The following GUCY1B1 variants were observed in gnomAD, a reference collection of about 807,000 sequenced individuals.
GUCY1B1 encodes the protein guanylate cyclase soluble subunit beta-1.
Under a neutral mutation model 71.0 loss-of-function variants are expected in GUCY1B1, and 43 were observed. The observed-to-expected ratio is 0.61, with a 90% CI of 0.47 to 0.78. The LOEUF (loss-of-function observed/expected upper bound fraction) is 0.78, where lower values mean the gene tolerates loss of function less well. Ranked by LOEUF, GUCY1B1 falls within the 30% of genes least tolerant of loss-of-function variation. The probability of loss-of-function intolerance (pLI) is 0.00; values close to 1 mark genes in which losing one functional copy is unlikely to be tolerated. For synonymous variants in GUCY1B1, 266 were observed against 259.7 expected (o/e 1.02, Z -0.23); for missense variants, 535 against 754.1 (o/e 0.71, Z 3.40).
At chr4:155,804,849 C>T (rs1740210118) in intron 12 of GUCY1B1, 102 bp downstream of exon 12, 7 of 1,003,460 alleles carry the variant, frequency 7.0e-6, no homozygotes, top group Non-Finnish European at 1.1e-5. Context: ...AGAGTTATCA[C>T]CTTCACTCTT....
At chr4:155,785,595 C>CAA (rs565720430) in intron 4 of GUCY1B1, among the ~76,000 whole-genome samples, 3 of 139,354 alleles carry the variant, frequency 2.2e-5, no homozygotes, top group Non-Finnish European at 4.7e-5. Context: ...CTTTTTGTAG[C>CAA]AAAAAAAAAA....
rs1209903986 is a variant in GUCY1B1, at chr4:155,772,752, A to T, written c.78-2216A>T. 91 of 702,518 alleles carry T rather than the reference A, an allele frequency of 1.3e-4. No individual in the cohort carries two copies. The East Asian group carries it at 2.4e-3, about 18-fold the overall frequency. The allele number at this position is 702,518 out of a possible 1,614,324, so 43.5% of individuals were successfully genotyped here. The stretch of plus-strand genomic sequence containing the variant: ...AGAGATTTTAATGCTTATGTGCTTT[A>T]TGTGATTTGCTCCGGTTCATTTAGC... On this transcript the variant is annotated intron_variant, in intron 2 of 13. Coordinates refer to ENST00000264424, the MANE Select transcript of GUCY1B1 (RefSeq NM_000857.5).
intron 8 of GUCY1B1, among the ~76,000 whole-genome samples, chr4:155,799,083 C>T (rs536842191): frequency 2.0e-5 from 3 of 152,144 alleles, no homozygotes; most frequent in Non-Finnish European, 4.4e-5. Context: ...GTGGTCTGCC[C>T]ACCTCGCCTC....
intron 2 of GUCY1B1, chr4:155,772,833 T>C (rs997711531): frequency 2.9e-6 from 2 of 689,618 alleles, no homozygotes. Flanking sequence ...AACATGCTTT[T>C]AAAAAAAAAG....
At chr4:155,763,465 A>G (rs895385575) in intron 2 of GUCY1B1, among the ~76,000 whole-genome samples, 40 of 152,214 alleles carry the variant, frequency 2.6e-4, no homozygotes, top group Admixed American at 2.0e-4. Flanking sequence ...AATAAATCAG[A>G]TAAAACGTTT....
chr4:155,802,676 C>G lies in GUCY1B1; in HGVS notation c.1413+97C>G. 9.6e-7 allele frequency: 1 copy of G among 1,037,964 alleles called. No homozygotes were observed. The highest frequency in any genetic ancestry group is 2.6e-5 in the East Asian group (1 of 38,258). 64.3% of individuals were successfully genotyped at this position (1,037,964 alleles called of 1,614,324 possible). ...TGTCATCACAGCTCTCTGACTCCAGCACTGCAGCCTTGAGTACAGTGAGCC... is the reference window on the plus strand; with the variant it reads ...TGTCATCACAGCTCTCTGACTCCAGGACTGCAGCCTTGAGTACAGTGAGCC... On this transcript the variant is annotated intron_variant, in intron 10 of 13. Transcript: ENST00000264424. The surrounding 1 kb of genome is among the most constrained non-coding windows in gnomAD (Gnocchi z 4.3).
chr4:155,770,343 G>T (rs1737615565), intron 2 of GUCY1B1, among the ~76,000 whole-genome samples: 1 of 152,136 alleles, frequency 6.6e-6, no homozygotes, highest in South Asian at 2.1e-4. Flanking sequence ...ATTTTGCAGA[G>T]TGCTGGGAAA....
At chr4:155,799,493 T>C (rs1664891715) in intron 8 of GUCY1B1, among the ~76,000 whole-genome samples, 1 of 149,174 alleles carries the variant, frequency 6.7e-6, no homozygotes, top group South Asian at 2.1e-4. Flanking sequence ...AGCATTATTA[T>C]TCTTGAGAGA....
intron 4 of GUCY1B1, among the ~76,000 whole-genome samples, chr4:155,783,810 G>C (rs1028612402): frequency 3.3e-5 from 5 of 152,224 alleles, no homozygotes; most frequent in African/African-American, 9.6e-5. Context: ...AGAAAAAAGA[G>C]CACCATTCAC....
intron 2 of GUCY1B1, among the ~76,000 whole-genome samples, chr4:155,765,000 T>C (rs1296071243): frequency 6.6e-6 from 1 of 151,992 alleles, no homozygotes; most frequent in African/African-American, 2.4e-5. Flanking sequence ...TTGGAGTCTT[T>C]ATTTTCCTTG....
rs1327101928 is a variant in GUCY1B1, at chr4:155,804,716, G to A, written c.1678G>A (p.Gly560Arg). Residue 560 changes from glycine (G) to arginine (R), a missense_variant, in exon 12 of 14, where the codon GGA (glycine) becomes AGA (arginine). By Grantham distance (125) the Gly-to-Arg change is moderately radical. Coordinates refer to ENST00000264424, the MANE Select transcript of GUCY1B1 (RefSeq NM_000857.5). ...CCGAACAGAAACCACAGGAGAAAAG[G>A]GAAAAATAAATGTGTCTGAATATAC... ...TSRTETTGEK[G>R]KINVSEYTYR... 6.2e-7 allele frequency: 1 copy of A among 1,613,004 alleles called. No homozygotes were observed. The highest frequency in any genetic ancestry group is 8.5e-7 in the Non-Finnish European group (1 of 1,179,468).
chr4:155,760,612 G>C (rs1446925943), intron 2 of GUCY1B1, among the ~76,000 whole-genome samples: 1 of 152,026 alleles, frequency 6.6e-6, no homozygotes, highest in South Asian at 2.1e-4. Context: ...TCTGCAGGCA[G>C]GTTGACTATT....
chr4:155,771,185 G>T (rs1441347664), intron 2 of GUCY1B1, among the ~76,000 whole-genome samples: 1 of 152,196 alleles, frequency 6.6e-6, no homozygotes, highest in African/African-American at 2.4e-5. Flanking sequence ...AAGGAATTCA[G>T]AGTGAAATTT....
Position 155,806,692 on chromosome 4 carries a change from T to C in GUCY1B1, c.*283T>C, listed in dbSNP as rs934340654. 1.4e-5 allele frequency: 5 copies of C among 366,876 alleles called. No homozygotes were observed. The highest frequency in any genetic ancestry group is 1.3e-4 in the East Asian group (3 of 23,858). The allele number at this position is 366,876 out of a possible 1,614,324, so 22.7% of individuals were successfully genotyped here. On this transcript the variant is annotated 3_prime_UTR_variant, in exon 14 of 14. Coordinates refer to ENST00000264424, the MANE Select transcript of GUCY1B1 (RefSeq NM_000857.5). ...AATCTACTACAAGCATTACCTAACA[T>C]GGTGATCTGCAAGTAGTAGGCACCC... is the stretch of plus-strand genomic sequence containing the variant.
At chr4:155,760,814 A>G (rs1487716828) in intron 2 of GUCY1B1, among the ~76,000 whole-genome samples, 1 of 152,186 alleles carries the variant, frequency 6.6e-6, no homozygotes, top group East Asian at 1.9e-4. Context: ...GCAGATGGGA[A>G]TACACTGTTA....
At chr4:155,782,588 AAC>A (rs1738510028) in intron 4 of GUCY1B1, among the ~76,000 whole-genome samples, 1 of 152,224 alleles carries the variant, frequency 6.6e-6, no homozygotes, top group Non-Finnish European at 1.5e-5. Flanking sequence ...AAATTACTGC[AAC>A]AGTCTCTCCC....
intron 2 of GUCY1B1, chr4:155,772,485 C>G (rs1484115612): frequency 2.2e-6 from 1 of 450,080 alleles, no homozygotes; most frequent in Admixed American, 3.4e-5. Flanking sequence ...CAAGATCACG[C>G]CTCACTGAGG....
chr4:155,763,291 T>C (rs1030441308), intron 2 of GUCY1B1, among the ~76,000 whole-genome samples: 1 of 152,158 alleles, frequency 6.6e-6, no homozygotes. Context: ...AGTGATCCTC[T>C]TGACTCGGCC....
chr4:155,801,525 A>G (rs905157397), intron 9 of GUCY1B1, among the ~76,000 whole-genome samples: 2 of 152,232 alleles, frequency 1.3e-5, no homozygotes, highest in Non-Finnish European at 2.9e-5. Context: ...TACTATGACT[A>G]GGAAAAACAT....
Sources: allele counts gnomAD v4.1 joint callset (sites outside exome capture counted in the v4.1 genomes callset), GRCh38; gene constraint gnomAD v4.1.1; non-coding constraint Gnocchi (gnomAD v3.1); transcripts MANE v1.5; gene names NCBI Gene and HGNC (gene_info 2026-07-23, HGNC 2026-07-21).